SORBS2: variants seen among roughly 807,000 people sequenced by gnomAD.
The protein encoded by SORBS2 is sorbin and SH3 domain containing 2.
A neutral mutation model predicts 97.7 loss-of-function variants in SORBS2; 46 were observed. That is an observed-to-expected ratio of 0.47 (90% CI 0.37 to 0.60). The LOEUF is 0.60. Among genes scored for constraint, SORBS2 ranks in the 20% least tolerant of loss-of-function variants. The pLI is 0.00. For missense variants in SORBS2, 1,316 were observed against 1,282.3 expected (o/e 1.03, Z -0.40); for synonymous variants, 476 against 473.4 (o/e 1.01, Z -0.07).
At chr4:185,878,958 T>C (rs1199622891) in intron 1 of SORBS2, among the ~76,000 whole-genome samples, 1 of 152,228 alleles carries the variant, frequency 6.6e-6, no homozygotes, top group Non-Finnish European at 1.5e-5. Context: ...CAGCAGCTAG[T>C]TCAGCACCAA....
intron 1 of SORBS2, among the ~76,000 whole-genome samples, chr4:185,842,645 T>C (rs1175423091): frequency 6.6e-6 from 1 of 152,032 alleles, no homozygotes; most frequent in Admixed American, 6.6e-5. Context: ...ATATTAAAAA[T>C]ATTAAATTTG....
intron 2 of SORBS2, among the ~76,000 whole-genome samples, chr4:185,740,860 C>T (rs1343647973): frequency 6.6e-6 from 1 of 152,036 alleles, no homozygotes; most frequent in African/African-American, 2.4e-5. Flanking sequence ...CAGATCAGCA[C>T]CAACTCGAAC....
At chr4:185,822,998 G>A (rs80319432) in intron 1 of SORBS2, among the ~76,000 whole-genome samples, 284 of 152,350 alleles carry the variant, frequency 1.9e-3, no homozygotes, top group African/African-American at 6.6e-3. Flanking sequence ...CTAAGCAGAA[G>A]CTACAGATAG....
At chr4:185,720,790 A>T (rs185138582) in intron 2 of SORBS2, among the ~76,000 whole-genome samples, 55 of 152,306 alleles carry the variant, frequency 3.6e-4, no homozygotes, top group Admixed American at 2.3e-3. Context: ...GTTTTTTCAC[A>T]GTGGAGGTAC....
intron 9 of SORBS2, among the ~76,000 whole-genome samples, chr4:185,616,129 G>T (rs530620427): frequency 6.6e-4 from 100 of 152,196 alleles, no homozygotes; most frequent in Middle Eastern, 3.4e-3. Flanking sequence ...GGAATCTTCT[G>T]CATTGTTTTG....
chr4:185,824,397 AC>A (rs1420959340), intron 1 of SORBS2, among the ~76,000 whole-genome samples: 1 of 152,052 alleles, frequency 6.6e-6, no homozygotes, highest in Non-Finnish European at 1.5e-5. Flanking sequence ...AATCCCTATG[AC>A]CCCATCTTGC....
At chr4:185,677,001 C>T in intron 4 of SORBS2, 2 of 1,550,046 alleles carry the variant, frequency 1.3e-6, no homozygotes, top group South Asian at 1.2e-5. Flanking sequence ...AGGTACCACT[C>T]TGCAGTCTGA....
In SORBS2 at chr4:185,593,899, C is replaced by T. The variant is rs760380738; in HGVS notation, c.2833G>A (p.Gly945Ser). ...AAGAATACTTACGGTTCCCCCCCAC[C>T]TTGAATATTTTCATGAGTAAACACA... The change falls in exon 13 of 15, where the codon GGT becomes AGT. Residue 945 changes from glycine (G) to serine (S), a missense_variant. Transcript: ENST00000418609. 5.6e-6 allele frequency: 9 copies of T among 1,606,834 alleles called. No individual in the cohort carries two copies. The highest frequency in any genetic ancestry group is 6.8e-6 in the Non-Finnish European group (8 of 1,173,444).
At chr4:185,940,041 C>T (rs1330428318) in intron 1 of SORBS2, among the ~76,000 whole-genome samples, 1 of 152,214 alleles carries the variant, frequency 6.6e-6, no homozygotes, top group Non-Finnish European at 1.5e-5. Context: ...AGACGCCACA[C>T]AGCCTCTGGG....
At chr4:185,675,521 G>GC (rs1292100485) in intron 4 of SORBS2, 1 of 152,210 alleles carries the variant, frequency 6.6e-6, no homozygotes, top group Non-Finnish European at 1.5e-5. Context: ...CAGCCAGCCT[G>GC]CCAGGGTGTG....
At chr4:185,674,412 C>G (rs535237130) in intron 4 of SORBS2, among the ~76,000 whole-genome samples, 1 of 152,190 alleles carries the variant, frequency 6.6e-6, no homozygotes, top group South Asian at 2.1e-4. Flanking sequence ...TCTGCTGCCC[C>G]CTGCTTTGAG....
At chr4:185,881,011 G>GGAAA (rs2099236594) in intron 1 of SORBS2, among the ~76,000 whole-genome samples, 1 of 151,760 alleles carries the variant, frequency 6.6e-6, no homozygotes, top group Admixed American at 6.6e-5. Context: ...AAGGAAGGAA[G>GGAAA]GATGATACAG....
At chr4:185,931,695 G>A (rs938627143) in intron 1 of SORBS2, among the ~76,000 whole-genome samples, 1 of 152,096 alleles carries the variant, frequency 6.6e-6, no homozygotes, top group Non-Finnish European at 1.5e-5. Context: ...GATTCTTGCT[G>A]AAATTAGACT....
intron 3 of SORBS2, among the ~76,000 whole-genome samples, 186 bp from the exon 13 acceptor site, chr4:185,646,968 T>G (rs1581736386): frequency 6.6e-6 from 1 of 151,492 alleles, no homozygotes; most frequent in Non-Finnish European, 1.5e-5. Flanking sequence ...ACATGAGGGG[T>G]TTGTAGACGC....
At chr4:185,698,621 G>C (rs772931354) in intron 2 of SORBS2, among the ~76,000 whole-genome samples, 1 of 152,184 alleles carries the variant, frequency 6.6e-6, no homozygotes, top group African/African-American at 2.4e-5. Context: ...AGGGGTTAGG[G>C]AAAAGAACAA....
chr4:185,604,864 G>A (rs982604763), intron 12 of SORBS2, among the ~76,000 whole-genome samples: 7 of 152,062 alleles, frequency 4.6e-5, no homozygotes, highest in Non-Finnish European at 8.8e-5. Context: ...TGTAACTTGC[G>A]TGTAAAGTAG....
intron 1 of SORBS2, chr4:185,933,089 A>C (rs1228643222): frequency 6.6e-6 from 1 of 152,208 alleles, no homozygotes; most frequent in Non-Finnish European, 1.5e-5. Flanking sequence ...CCAGCTTTTC[A>C]GAAAGACAAA....
chr4:185,882,774 A>T (rs1349877662), intron 1 of SORBS2, among the ~76,000 whole-genome samples: 1 of 152,208 alleles, frequency 6.6e-6, no homozygotes, highest in Non-Finnish European at 1.5e-5. Context: ...GAGTCCAAAA[A>T]AGGCCCACAC....
At chr4:185,821,581 A>G (rs1218978548) in intron 1 of SORBS2, among the ~76,000 whole-genome samples, 1 of 151,810 alleles carries the variant, frequency 6.6e-6, no homozygotes, top group Non-Finnish European at 1.5e-5. Flanking sequence ...CCGCCACCAC[A>G]CCCAGCTAAT....
Sources: allele counts gnomAD v4.1 joint callset (sites outside exome capture counted in the v4.1 genomes callset), GRCh38; gene constraint gnomAD v4.1.1; transcripts MANE v1.5; gene names NCBI Gene and HGNC (gene_info 2026-07-23, HGNC 2026-07-21).